Variants in ZNF185 observed in about 807,000 individuals in gnomAD.
ZNF185 encodes zinc finger protein 185.
A neutral mutation model predicts 58.6 loss-of-function variants in ZNF185; 56 were observed. The observed-to-expected ratio is 0.95, with a 90% CI of 0.77 to 1.19. The LOEUF (loss-of-function observed/expected upper bound fraction) is 1.19, where lower values mean the gene tolerates loss of function less well. Ranked by LOEUF, ZNF185 falls within the 50% of genes most tolerant of loss-of-function variation. ZNF185 has a pLI of 0.00. For synonymous variants in ZNF185, 230 were observed against 215.9 expected (o/e 1.07, Z -0.57); for missense variants, 627 against 573.5 (o/e 1.09, Z -0.95).
At chrX:152,951,109 G>A (rs5925262) in intron 16 of ZNF185, among the ~76,000 whole-genome samples, 19,972 of 93,040 alleles carry the variant, frequency 0.21, 1,970 homozygotes, top group South Asian at 0.32. Context: ...TTTTTGAGAT[G>A]GAGTCTTGCT....
At chrX:152,941,569 A>C (rs1275015612) in intron 15 of ZNF185, 2 of 1,002,837 alleles carry the variant, frequency 2.0e-6, no homozygotes, top group Non-Finnish European at 2.6e-6. Flanking sequence ...GCTCGCCACC[A>C]GCGTACGCGA....
intron 9 of ZNF185, among the ~76,000 whole-genome samples, chrX:152,921,198 C>G (rs1939643429): frequency 8.9e-6 from 1 of 111,875 alleles, no homozygotes; most frequent in Non-Finnish European, 1.9e-5. Context: ...TCGGGATACT[C>G]CAGCTGAATG....
intron 17 of ZNF185, among the ~76,000 whole-genome samples, chrX:152,962,162 G>C (rs2049565375): frequency 9.0e-6 from 1 of 111,422 alleles, no homozygotes; most frequent in African/African-American, 3.3e-5. Context: ...CCCTGTGCTT[G>C]GAGGGTACGG....
exon 13 of ZNF185, chrX:152,931,703 C>G (rs781995698): frequency 5.0e-6 from 6 of 1,210,574 alleles, no homozygotes; most frequent in Non-Finnish European, 5.6e-6. Flanking sequence ...CAAGGAGGCC[C>G]CCTGCTCCAG....
In ZNF185 at chrX:152,935,854, G is replaced by A. The variant is rs781956199; in HGVS notation, c.1122-2220G>A. ...ATAGGCAGTGATTGTTCAGCATGCCGTGAGCATCAGTCTGCCTGGTTTACA... is the reference window on the plus strand; with the variant it reads ...ATAGGCAGTGATTGTTCAGCATGCCATGAGCATCAGTCTGCCTGGTTTACA... On this transcript the variant is annotated intron_variant, in intron 14 of 22. Transcript: ENST00000449285. 2.7e-5 allele frequency among the ~76,000 whole-genome samples: 3 copies of A among 112,035 alleles called. No individual in the cohort carries two copies. In the South Asian group the frequency reaches 1.1e-3, roughly 42 times the overall value.
chrX:152,922,704 C>T lies in ZNF185; in HGVS notation c.741-16C>T, dbSNP rs782585255. 5 of 1,187,703 alleles carry T rather than the reference C, an allele frequency of 4.2e-6. No homozygotes were observed. In the African/African-American group the frequency reaches 8.8e-5, roughly 21 times the overall value. On this transcript the variant is annotated splice_polypyrimidine_tract_variant and intron_variant, in intron 10 of 22. Coordinates refer to ENST00000449285, the Ensembl canonical transcript of ZNF185. ...CTGACATCTCCAGAGCCTCTCACAG[C>T]CACCTTCTTTGCCAGTGCGGATGGA...
the ZNF185 span, among the ~76,000 whole-genome samples, chrX:152,907,885 A>C: frequency 8.9e-6 from 1 of 112,954 alleles, no homozygotes; most frequent in African/African-American, 3.2e-5. Flanking sequence ...AAAAAACCAG[A>C]AGTCTTCTCC....
intron 15 of ZNF185, among the ~76,000 whole-genome samples, chrX:152,942,471 G>A (rs1257789547): frequency 3.6e-5 from 4 of 111,823 alleles, no homozygotes; most frequent in African/African-American, 1.3e-4. Flanking sequence ...TGGCCAAATC[G>A]GTTTGTATAT....
At chrX:152,957,343 A>G (rs782323550) in intron 16 of ZNF185, among the ~76,000 whole-genome samples, 133 of 110,571 alleles carry the variant, frequency 1.2e-3, no homozygotes, top group Non-Finnish European at 4.5e-4. Flanking sequence ...TGGAGGAGAA[A>G]GGTATAGACA....
Position 152,959,742 on chromosome X carries a change from G to T in ZNF185, c.1453G>T (p.Gly485Ter). The change falls in exon 17 of 23, where the codon GGA (glycine) becomes TGA (stop). Residue 485 changes from glycine (G) to a stop codon, truncating the protein, a stop_gained. Coordinates refer to ENST00000449285, the Ensembl canonical transcript of ZNF185. LOFTEE classifies it high-confidence loss of function. Reference sequence around the variant, plus strand: ...GGGGAAGGATGTGGCCACCAAGGTCGGAGAGGCCTGGCAGGACAGGCCTGG... The same window carrying T: ...GGGGAAGGATGTGGCCACCAAGGTCTGAGAGGCCTGGCAGGACAGGCCTGG... 8.3e-7 allele frequency: 1 copy of T among 1,211,791 alleles called. No individual in the cohort carries two copies. Among genetic ancestry groups the T allele is most frequent in the Non-Finnish European group, 1.1e-6 (1 of 895,346 alleles).
chrX:152,907,159 C>A, the ZNF185 span, among the ~76,000 whole-genome samples: 2 of 111,646 alleles, frequency 1.8e-5, no homozygotes, highest in African/African-American at 6.5e-5. Context: ...TTTCTCCTGC[C>A]GCTCCCGTCT....
At chrX:152,918,314 A>G (rs1210736787) in intron 6 of ZNF185, 160 bp downstream of exon 7, 1 of 603,771 alleles carries the variant, frequency 1.7e-6, no homozygotes. Flanking sequence ...CCTGGAGCCC[A>G]CCAGAGGGTA....
the ZNF185 span, among the ~76,000 whole-genome samples, chrX:152,904,893 C>T: frequency 4.5e-5 from 5 of 112,236 alleles, no homozygotes; most frequent in Non-Finnish European, 9.4e-5. Context: ...GGTGCAGGGG[C>T]CAGGGAGCAT....
At chrX:152,951,566 T>TTATA (rs59430274) in intron 16 of ZNF185, among the ~76,000 whole-genome samples, 2,406 of 110,084 alleles carry the variant, frequency 0.022, 66 homozygotes, top group African/African-American at 0.076. Context: ...TTTTAGCAGT[T>TTATA]TATATATATA....
At chrX:152,932,687 T>C (rs1486633815) in intron 13 of ZNF185, among the ~76,000 whole-genome samples, 186 bp from the exon 15 acceptor site, 5 of 111,579 alleles carry the variant, frequency 4.5e-5, no homozygotes, top group Admixed American at 3.8e-4. Flanking sequence ...ACCCATCAGG[T>C]TTGGAAAAAA....
At chrX:152,905,294 T>C in the ZNF185 span, among the ~76,000 whole-genome samples, 1 of 112,197 alleles carries the variant, frequency 8.9e-6, no homozygotes, top group African/African-American at 3.2e-5. Context: ...GGAAGCTCTC[T>C]AAGGAAGGAG....
intron 2 of ZNF185, 115 bp downstream of exon 3, chrX:152,914,948 A>G (rs1195915760): frequency 9.6e-7 from 1 of 1,036,646 alleles, no homozygotes; most frequent in Non-Finnish European, 1.3e-6. Flanking sequence ...CCGCCAGGCC[A>G]TGTGGAGGGC....
chrX:152,942,718 T>C (rs1210843368), intron 15 of ZNF185, among the ~76,000 whole-genome samples: 1 of 112,030 alleles, frequency 8.9e-6, no homozygotes, highest in Non-Finnish European at 1.9e-5. Flanking sequence ...GCTTCTCGTT[T>C]ATATTTTTTC....
At chrX:152,903,024 G>A in the ZNF185 span, among the ~76,000 whole-genome samples, 3 of 111,504 alleles carry the variant, frequency 2.7e-5, no homozygotes, top group Admixed American at 1.9e-4. Flanking sequence ...GCCTGCTCTG[G>A]CAAAGACTGA....
Sources: allele counts gnomAD v4.1 joint callset (sites outside exome capture counted in the v4.1 genomes callset), GRCh38; gene constraint gnomAD v4.1.1; transcripts MANE v1.5; gene names NCBI Gene and HGNC (gene_info 2026-07-23, HGNC 2026-07-21).